The following PITPNC1 variants were observed in gnomAD, a reference collection of about 807,000 sequenced individuals.
PITPNC1 encodes the protein cytoplasmic phosphatidylinositol transfer protein 1.
PITPNC1 carries 18 observed loss-of-function variants against 44.7 expected under a neutral mutation model. That is an observed-to-expected ratio of 0.40 (90% confidence interval 0.28 to 0.60). The LOEUF is 0.60. Ranked by LOEUF, PITPNC1 falls within the 20% of genes least tolerant of loss-of-function variation. The probability of loss-of-function intolerance (pLI) is 0.39; values close to 1 mark genes in which losing one functional copy is unlikely to be tolerated. For synonymous variants in PITPNC1, 141 were observed against 149.6 expected (o/e 0.94, Z 0.42); for missense variants, 290 against 418.4 (o/e 0.69, Z 2.68).
At position 67,550,746 on chromosome 17, in the gene PITPNC1, T is replaced by G. The variant is rs985165959; in HGVS notation, c.198-1511T>G. ...GTAGCCTCTGGAAGGACAGAAACAC[T>G]TGGTTATCGGGCTGGAATAAAAATG... On this transcript the variant is annotated intron_variant, in intron 2 of 8. Transcript: ENST00000581322. 1.1e-4 allele frequency among the ~76,000 whole-genome samples: 16 copies of G among 152,050 alleles called. No individual in the cohort carries two copies. The East Asian group carries it at 3.1e-3, about 29-fold the overall frequency.
rs571626166 is a variant in PITPNC1 at position 67,478,721 on chromosome 17, C to T, written c.49-54081C>T. Among the ~76,000 whole-genome samples, 10 of 152,046 alleles carry T rather than the reference C, an allele frequency of 6.6e-5. No homozygotes were observed. The South Asian group carries it at 1.5e-3, about 22-fold the overall frequency. On this transcript the variant is annotated intron_variant, in intron 1 of 8. Coordinates refer to ENST00000581322, the MANE Select transcript of PITPNC1 (RefSeq NM_012417.4). ...CTCTGTGGCCCTCTTTTTCCGCAAG[C>T]GTTGGGAGGTCTCTGAGGATCTGAC... is the stretch of plus-strand genomic sequence containing the variant.
chr17:67,491,369 T>C (rs957021651), intron 1 of PITPNC1, among the ~76,000 whole-genome samples: 1 of 152,188 alleles, frequency 6.6e-6, no homozygotes, highest in Admixed American at 6.5e-5. Context: ...AAGAAATGCT[T>C]TCTGGGTCAT....
intron 1 of PITPNC1, among the ~76,000 whole-genome samples, chr17:67,524,035 C>G (rs562546120): frequency 9.9e-5 from 15 of 152,164 alleles, no homozygotes; most frequent in Non-Finnish European, 4.4e-5. Flanking sequence ...TAGTCTTGAA[C>G]TCCTGACCTC....
chr17:67,478,523 G>A (rs1027388628), intron 1 of PITPNC1, among the ~76,000 whole-genome samples: 3 of 152,122 alleles, frequency 2.0e-5, no homozygotes, highest in African/African-American at 7.2e-5. Context: ...AGACAGGCTA[G>A]AGCTGGTTCC....
intron 6 of PITPNC1, among the ~76,000 whole-genome samples, chr17:67,640,351 C>T (rs1385965290): frequency 1.3e-5 from 2 of 152,278 alleles, no homozygotes; most frequent in East Asian, 1.9e-4. Context: ...GCCCTCTCCC[C>T]TTCCAGGGTC....
intron 1 of PITPNC1, among the ~76,000 whole-genome samples, chr17:67,509,969 T>C (rs1370036044): frequency 4.6e-5 from 7 of 152,206 alleles, no homozygotes; most frequent in South Asian, 2.1e-4. Context: ...CGGAGACCAA[T>C]TGACTTCAAT....
chr17:67,595,452 GTT>G (rs112587198), intron 5 of PITPNC1, among the ~76,000 whole-genome samples: 5 of 141,158 alleles, frequency 3.5e-5, no homozygotes, highest in African/African-American at 2.6e-5. Context: ...TAGTATTTTA[GTT>G]TTTTTTTTTT....
rs71687631 is a variant in PITPNC1 at position 67,416,203 on chromosome 17, C to CTTTTTTTT, written c.48+38019_48+38026dup. 6.5e-4 allele frequency among the ~76,000 whole-genome samples: 44 copies of CTTTTTTTT among 67,624 alleles called. 2 individuals are homozygous for CTTTTTTTT. The highest frequency in any genetic ancestry group is 9.0e-4 in the Admixed American group (4 of 4,454). The allele number at this position is 67,624 out of a possible 152,430, so 44.4% of individuals were successfully genotyped here. ...TCCCTTTCCTTGTTTACATGTATTG[C>CTTTTTTTT]TTTTTTTTTTTTTTTTTTTTTTTTT... On this transcript the variant is annotated intron_variant, in intron 1 of 8. Transcript: ENST00000581322.
rs578105486 is a variant in PITPNC1, at chr17:67,529,993, G to C, written c.49-2809G>C. Among the ~76,000 whole-genome samples, 7 of 151,912 alleles carry C rather than the reference G, an allele frequency of 4.6e-5. No individual in the cohort carries two copies. The East Asian group carries it at 1.4e-3, about 29-fold the overall frequency. Reference sequence around the variant, plus strand: ...AATTTACTGTCTCACAATTCTGGAGGCTAGAAGTTTGAAATCAAAGTGTCA... The same window carrying C: ...AATTTACTGTCTCACAATTCTGGAGCCTAGAAGTTTGAAATCAAAGTGTCA... On this transcript the variant is annotated intron_variant, in intron 1 of 8. Transcript: ENST00000581322.
rs8068428 is a variant in PITPNC1 at position 67,575,819 on chromosome 17, T to C, written c.295-2367T>C. 8.3e-3 allele frequency among the ~76,000 whole-genome samples: 905 copies of C among 108,486 alleles called. 27 individuals carry two copies. The highest frequency in any genetic ancestry group is 0.03 in the African/African-American group (839 of 27,778). The allele number at this position is 108,486 out of a possible 152,430, so 71.2% of individuals were successfully genotyped here. A position where few individuals can be genotyped will look rare whatever the true frequency, so the allele number is the denominator to read the frequency against. Reference sequence around the variant, plus strand: ...CCTTCTTTCTTTCTTTCTTTCTTTCTTTCCTTCCTTCCTTCCTTCCTTCTT... The same window carrying C: ...CCTTCTTTCTTTCTTTCTTTCTTTCCTTCCTTCCTTCCTTCCTTCCTTCTT... On this transcript the variant is annotated intron_variant, in intron 4 of 8. Transcript: ENST00000581322.
At chr17:67,599,183 C>T (rs538036998) in intron 5 of PITPNC1, among the ~76,000 whole-genome samples, 6 of 151,182 alleles carry the variant, frequency 4.0e-5, no homozygotes, top group East Asian at 3.9e-4. Flanking sequence ...TTTGTTCACA[C>T]ACTACCCAGT....
intron 4 of PITPNC1, among the ~76,000 whole-genome samples, chr17:67,573,142 G>A (rs974828030): frequency 3.3e-5 from 5 of 152,198 alleles, no homozygotes; most frequent in Non-Finnish European, 5.9e-5. Context: ...GAACATTCGC[G>A]TTCATTCTGG....
intron 8 of PITPNC1, among the ~76,000 whole-genome samples, chr17:67,682,306 A>G (rs1409916471): frequency 6.6e-6 from 1 of 152,256 alleles, no homozygotes; most frequent in Non-Finnish European, 1.5e-5. Flanking sequence ...AATTAGTCTC[A>G]GTGTAAATGT....
intron 1 of PITPNC1, among the ~76,000 whole-genome samples, chr17:67,498,145 C>T (rs745640197): frequency 6.6e-6 from 1 of 152,134 alleles, no homozygotes. Flanking sequence ...GCTAGGATTA[C>T]AGGCGTGGGC....
intron 5 of PITPNC1, among the ~76,000 whole-genome samples, chr17:67,579,562 T>A (rs1375260076): frequency 6.6e-6 from 1 of 151,324 alleles, no homozygotes; most frequent in African/African-American, 2.4e-5. Flanking sequence ...AAAACCACCA[T>A]GCCTAAAACA....
At chr17:67,485,677 C>T (rs1478673471) in intron 1 of PITPNC1, among the ~76,000 whole-genome samples, 1 of 152,114 alleles carries the variant, frequency 6.6e-6, no homozygotes. Context: ...GGAAGAACAA[C>T]TGACTTGCCA....
chr17:67,385,182 A>G (rs945286374), intron 1 of PITPNC1, among the ~76,000 whole-genome samples: 1 of 152,152 alleles, frequency 6.6e-6, no homozygotes, highest in Non-Finnish European at 1.5e-5. Flanking sequence ...AAATGCACCA[A>G]TCAGCGCTCT....
intron 6 of PITPNC1, among the ~76,000 whole-genome samples, chr17:67,643,980 A>C (rs1374529119): frequency 1.3e-5 from 2 of 152,124 alleles, no homozygotes; most frequent in Non-Finnish European, 2.9e-5. Context: ...ACAGGAGCAG[A>C]GGTGTGATAC....
chr17:67,540,395 G>A (rs990958548), intron 2 of PITPNC1, among the ~76,000 whole-genome samples: 2 of 152,094 alleles, frequency 1.3e-5, no homozygotes, highest in African/African-American at 2.4e-5. Context: ...GTGAGCCATC[G>A]CACCTGGCCT....
Sources: allele counts gnomAD v4.1 joint callset (sites outside exome capture counted in the v4.1 genomes callset), GRCh38; gene constraint gnomAD v4.1.1; transcripts MANE v1.5; gene names NCBI Gene and HGNC (gene_info 2026-07-23, HGNC 2026-07-21).